Variants in HS6ST3 observed in about 807,000 individuals in gnomAD.
HS6ST3 encodes heparan sulfate 6-O-sulfotransferase 3, also known as heparan-sulfate 6-O-sulfotransferase 3.
In HS6ST3, 12 loss-of-function variants were observed where a neutral mutation model predicts 36.7. That is an observed-to-expected ratio of 0.33 (90% confidence interval 0.21 to 0.53). HS6ST3 has a LOEUF of 0.53. Ranked by LOEUF, HS6ST3 falls within the 20% of genes least tolerant of loss-of-function variation. HS6ST3 has a pLI of 0.95. For synonymous variants in HS6ST3, 240 were observed against 257.5 expected, an observed-to-expected ratio of 0.93 and a Z score of 0.65; for missense variants, 584 against 640.9, an observed-to-expected ratio of 0.91 and a Z score of 0.96.
chr13:96,662,725 T>C (rs2056650690), intron 1 of HS6ST3, among the ~76,000 whole-genome samples: 1 of 152,182 alleles, frequency 6.6e-6, no homozygotes, highest in African/African-American at 2.4e-5. Flanking sequence ...CTTTTGTTGG[T>C]TCTTTCTCAT....
At chr13:96,278,096 G>C (rs1261083059) in intron 1 of HS6ST3, among the ~76,000 whole-genome samples, 15 of 152,114 alleles carry the variant, frequency 9.9e-5, no homozygotes, top group Non-Finnish European at 2.2e-4. Flanking sequence ...TTGGAAACTT[G>C]CTATTTATCT....
At chr13:96,177,387 A>G (rs1363818291) in intron 1 of HS6ST3, among the ~76,000 whole-genome samples, 1 of 152,224 alleles carries the variant, frequency 6.6e-6, no homozygotes, top group African/African-American at 2.4e-5. Context: ...CCCATCAATG[A>G]CAGATTGGAT....
chr13:96,625,014 C>T (rs1026948614), intron 1 of HS6ST3, among the ~76,000 whole-genome samples: 3 of 152,164 alleles, frequency 2.0e-5, no homozygotes, highest in African/African-American at 7.2e-5. Flanking sequence ...TTTACTGAAG[C>T]GACACTGCCA....
chr13:96,144,623 AT>A (rs1426702013), intron 1 of HS6ST3, among the ~76,000 whole-genome samples: 1 of 151,378 alleles, frequency 6.6e-6, no homozygotes, highest in Non-Finnish European at 1.5e-5. Flanking sequence ...AAATAAAATT[AT>A]TTTATTTTAT....
intron 1 of HS6ST3, among the ~76,000 whole-genome samples, chr13:96,727,568 TG>T (rs1461642676): frequency 6.6e-6 from 1 of 152,170 alleles, no homozygotes; most frequent in African/African-American, 2.4e-5. Flanking sequence ...GTTCTCAGCT[TG>T]TGCTCTTTTA....
chr13:96,800,662 A>G (rs994843267), intron 1 of HS6ST3, among the ~76,000 whole-genome samples: 1 of 151,986 alleles, frequency 6.6e-6, no homozygotes, highest in African/African-American at 2.4e-5. Flanking sequence ...ACGTATCTGC[A>G]TCTGTCTCCA....
In HS6ST3 at chr13:96,153,581, A is replaced by T. The variant is rs903708817; in HGVS notation, c.707+62012A>T. ...GCCGTTGGATCAATTTCCAGGACACATAGTTTATCTGAATCAATCTCATGT... is the reference window on the plus strand; with the variant it reads ...GCCGTTGGATCAATTTCCAGGACACTTAGTTTATCTGAATCAATCTCATGT... On this transcript the variant is annotated intron_variant, in intron 1 of 1. Transcript: ENST00000376705. 2.6e-5 allele frequency among the ~76,000 whole-genome samples: 4 copies of T among 152,338 alleles called. No homozygotes were observed. In the East Asian group the frequency reaches 7.7e-4, roughly 29 times the overall value.
At chr13:96,417,590 ATGTGTGTGTGTG>A (rs148288275) in intron 1 of HS6ST3, among the ~76,000 whole-genome samples, 24 of 139,982 alleles carry the variant, frequency 1.7e-4, no homozygotes, top group Admixed American at 1.0e-3. Context: ...GCATATATAT[ATGTGTGTGTGTG>A]TGTGTGTGTG....
Position 96,509,282 on chromosome 13 carries a change from A to G in HS6ST3, c.708-323208A>G, listed in dbSNP as rs561445232. The stretch of plus-strand genomic sequence containing the variant: ...TTTGTCAGATTTGTAGTTTGCAAAT[A>G]TTTTCTCCCATTCTGTGTGTTGTCT... On this transcript the variant is annotated intron_variant, in intron 1 of 1. Coordinates refer to ENST00000376705, the MANE Select transcript of HS6ST3 (RefSeq NM_153456.4). Among the ~76,000 whole-genome samples, 17 of 151,938 alleles carry G rather than the reference A, an allele frequency of 1.1e-4. No individual in the cohort carries two copies. The South Asian group carries it at 1.7e-3, about 15-fold the overall frequency.
rs146033180 is a variant in HS6ST3, at chr13:96,668,686, C to CTTTTT, written c.708-163768_708-163764dup. Among the ~76,000 whole-genome samples, 88 of 58,930 alleles carry CTTTTT rather than the reference C, an allele frequency of 1.5e-3. 6 individuals carry two copies. The highest frequency in any genetic ancestry group is 2.9e-3 in the South Asian group (4 of 1,356). The allele number at this position is 58,930 out of a possible 152,430, so 38.7% of individuals were successfully genotyped here. The stretch of plus-strand genomic sequence containing the variant: ...GGGAGCTGAGCACAGTAGTGCCAAC[C>CTTTTT]TTTTTTTTTTTTTTTTTTTTTTTTT... On this transcript the variant is annotated intron_variant, in intron 1 of 1. Coordinates refer to ENST00000376705, the MANE Select transcript of HS6ST3 (RefSeq NM_153456.4).
intron 1 of HS6ST3, among the ~76,000 whole-genome samples, chr13:96,500,384 T>C (rs2055998352): frequency 1.3e-5 from 2 of 152,246 alleles, no homozygotes. Flanking sequence ...ATAATGCTGC[T>C]GTAAACATTC....
chr13:96,644,328 G>C (rs2056580670), intron 1 of HS6ST3, among the ~76,000 whole-genome samples: 1 of 151,982 alleles, frequency 6.6e-6, no homozygotes, highest in Non-Finnish European at 1.5e-5. Context: ...TATAGATTCG[G>C]GGTCATATGT....
chr13:96,399,738 G>C (rs2055439854), intron 1 of HS6ST3, among the ~76,000 whole-genome samples: 5 of 152,214 alleles, frequency 3.3e-5, no homozygotes, highest in Admixed American at 3.3e-4. Flanking sequence ...TGGTCATGCT[G>C]TCTCTCTTCT....
intron 1 of HS6ST3, among the ~76,000 whole-genome samples, chr13:96,590,878 G>A (rs1016364968): frequency 5.3e-5 from 8 of 152,106 alleles, no homozygotes; most frequent in African/African-American, 1.9e-4. Context: ...TATGGCAAGA[G>A]AAAGGGGCCT....
At chr13:96,586,550 C>A (rs1261862651) in intron 1 of HS6ST3, among the ~76,000 whole-genome samples, 1 of 151,922 alleles carries the variant, frequency 6.6e-6, no homozygotes, top group Non-Finnish European at 1.5e-5. Context: ...CCCGCCTCAG[C>A]CTCCCAAAGT....
intron 1 of HS6ST3, among the ~76,000 whole-genome samples, chr13:96,256,316 G>A (rs2054637377): frequency 6.6e-6 from 1 of 152,202 alleles, no homozygotes; most frequent in African/African-American, 2.4e-5. Flanking sequence ...AAAGTGTGGC[G>A]AGGGTGGGAA....
intron 1 of HS6ST3, among the ~76,000 whole-genome samples, chr13:96,473,729 G>A (rs190820158): frequency 7.2e-5 from 11 of 152,256 alleles, no homozygotes; most frequent in South Asian, 2.1e-4. Context: ...TAGGAAGGTC[G>A]AGTCGGGAAA....
chr13:96,556,400 A>G (rs531322446), intron 1 of HS6ST3, among the ~76,000 whole-genome samples: 80 of 152,322 alleles, frequency 5.3e-4, no homozygotes, highest in Non-Finnish European at 9.4e-4. Flanking sequence ...GGTCATTTAC[A>G]TTATAGTCCT....
chr13:96,330,337 T>A (rs9516664), intron 1 of HS6ST3, among the ~76,000 whole-genome samples: 55,726 of 150,106 alleles, frequency 0.37, 10,592 homozygotes, highest in Non-Finnish European at 0.42. Flanking sequence ...TTCCTTTCCA[T>A]GTTTAGCGCT....
Sources: gnomAD v4.1 joint callset for allele counts (sites outside exome capture counted in the v4.1 genomes callset) on GRCh38, gnomAD v4.1.1 for gene constraint, MANE v1.5 for transcripts, NCBI Gene and HGNC (gene_info 2026-07-23, HGNC 2026-07-21) for gene names.